BRPF1: variants seen among roughly 807,000 people sequenced by gnomAD.
The protein encoded by BRPF1 is bromodomain and PHD finger containing 1.
A neutral mutation model predicts 115.0 loss-of-function variants in BRPF1; 15 were observed. The ratio of observed to expected loss-of-function variants is 0.13; its 90% CI spans 0.09 to 0.20. The LOEUF (loss-of-function observed/expected upper bound fraction) is 0.20, where lower values mean the gene tolerates loss of function less well. Ranked by LOEUF, BRPF1 falls within the 10% of genes least tolerant of loss-of-function variation. BRPF1 has a pLI of 1.00. For synonymous variants in BRPF1, 647 were observed against 619.8 expected (o/e 1.04, Z -0.65); for missense variants, 1,118 against 1,638.3 (o/e 0.68, Z 5.48).
In BRPF1 at chr3:9,744,425, G is replaced by T. The variant is rs139611443; in HGVS notation, c.2837G>T (p.Arg946Leu). Residue 946 changes from arginine to leucine, a missense_variant, in exon 9 of 14, where the codon CGT becomes CTT. Arg to Leu is a moderately radical substitution (Grantham distance 102). Transcript: ENST00000383829. Reference sequence around the variant, plus strand: ...CAGCTCCCCATCATGAGTTCCCTGCGTCAGCGCAAGCGGGGTAGGAGCCCC... The same window carrying T: ...CAGCTCCCCATCATGAGTTCCCTGCTTCAGCGCAAGCGGGGTAGGAGCCCC... ...PPQLPIMSSL[R>L]QRKRGRSPRP... 1 of 1,611,222 alleles carries T rather than the reference G, an allele frequency of 6.2e-7. No individual in the cohort carries two copies. Among genetic ancestry groups the T allele is most frequent in the East Asian group, 2.2e-5 (1 of 44,780 alleles).
chr3:9,744,527 C>T lies in BRPF1; in HGVS notation c.2920+19C>T. 6.7e-7 allele frequency: 1 copy of T among 1,492,448 alleles called. No individual in the cohort carries two copies. The highest frequency in any genetic ancestry group is 2.4e-5 in the Admixed American group (1 of 41,644). 92.5% of individuals were successfully genotyped at this position (1,492,448 alleles called of 1,614,324 possible). A position where few individuals can be genotyped will look rare whatever the true frequency, so the allele number is the denominator to read the frequency against. Reference sequence around the variant, plus strand: ...CCAATGGGTGAGCCTTACCATCACCCAGCCCCCCAAGAGAGTGAGCAAAGC... The same window carrying T: ...CCAATGGGTGAGCCTTACCATCACCTAGCCCCCCAAGAGAGTGAGCAAAGC... On this transcript the variant is annotated intron_variant, in intron 9 of 13. Coordinates refer to ENST00000383829, the MANE Select transcript of BRPF1 (RefSeq NM_001003694.2).
rs150545921 is a variant in BRPF1, at chr3:9,743,745, C to T, written c.2479C>T (p.Arg827Trp). The T allele has an allele frequency of 3.1e-5, 50 of 1,614,052 alleles. No homozygotes were observed. The highest frequency in any genetic ancestry group is 8.0e-5 in the African/African-American group (6 of 74,942). ...CAAGAAAGAGATGACGGCACTGCGGCGGAAGCTTGCCCATCAGCGAGAGAC... is the reference window on the plus strand; with the variant it reads ...CAAGAAAGAGATGACGGCACTGCGGTGGAAGCTTGCCCATCAGCGAGAGAC... ...MIKKEMTALR[R>W]KLAHQRETGR... Residue 827 changes from arginine to tryptophan, a missense_variant, in exon 8 of 14, where the codon CGG becomes TGG. Arg to Trp is a moderately radical substitution (Grantham distance 101). Transcript: ENST00000383829. The surrounding 1 kb of genome is among the most constrained non-coding windows in gnomAD (Gnocchi z 6.1).
chr3:9,735,201 T>C (rs2125492345), intron 2 of BRPF1, among the ~76,000 whole-genome samples: 1 of 152,002 alleles, frequency 6.6e-6, no homozygotes, highest in East Asian at 1.9e-4. Context: ...TTTGTAGAGA[T>C]GGGGTTTCAC....
At position 9,743,919 on chromosome 3, in the gene BRPF1, A is replaced by G. The variant is rs749684673; in HGVS notation, c.2635+18A>G. Reference sequence around the variant, plus strand: ...AAGCAAAGGTCTGAATCCCATGGCAAGGTGGACCCCAAAGCAAGTCAGACT... The same window carrying G: ...AAGCAAAGGTCTGAATCCCATGGCAGGGTGGACCCCAAAGCAAGTCAGACT... On this transcript the variant is annotated intron_variant, in intron 8 of 13. Coordinates refer to ENST00000383829, the MANE Select transcript of BRPF1 (RefSeq NM_001003694.2). This position sits in a 1 kb window ranked among gnomAD's most constrained non-coding sequence, Gnocchi z 6.1. The G allele has an allele frequency of 5.8e-6, 9 of 1,547,218 alleles. No individual in the cohort carries two copies. Among genetic ancestry groups the G allele is most frequent in the South Asian group, 1.2e-5 (1 of 81,228 alleles).
In BRPF1 at chr3:9,745,379, C is replaced by A. The variant is rs558523103; in HGVS notation, c.3069-194C>A. ...ATGATTAGAGTATGCACTCCTGCCG[C>A]CACTGCTCAGGCTAACCCACCTCTG... On this transcript the variant is annotated intron_variant, in intron 10 of 13. Transcript: ENST00000383829. This position sits in a 1 kb window ranked among gnomAD's most constrained non-coding sequence, Gnocchi z 5.1. Among the ~76,000 whole-genome samples the A allele has an allele frequency of 2.6e-5, 4 of 152,372 alleles. No individual in the cohort carries two copies. Among genetic ancestry groups the A allele is most frequent in the African/African-American group, 9.6e-5 (4 of 41,588 alleles).
In BRPF1 at chr3:9,742,007, G is replaced by C. The variant is rs1165948692; in HGVS notation, c.1855-18G>C. ...GAACTGGCCGAGGCCTGGCTGATCA[G>C]GCCTTTTTCTATGTTAGATCAAGGT... On this transcript the variant is annotated intron_variant, in intron 5 of 13. Coordinates refer to ENST00000383829, the MANE Select transcript of BRPF1 (RefSeq NM_001003694.2). 6.2e-7 allele frequency: 1 copy of C among 1,613,890 alleles called. No individual in the cohort carries two copies. Among genetic ancestry groups the C allele is most frequent in the Admixed American group, 1.7e-5 (1 of 60,006 alleles).
chr3:9,736,011 T>A (rs1293274545), intron 2 of BRPF1, among the ~76,000 whole-genome samples: 1 of 62,208 alleles, frequency 1.6e-5, no homozygotes, highest in African/African-American at 7.3e-5. Flanking sequence ...TCCATTTTTT[T>A]TTTTTTTTTT....
chr3:9,732,434 C>T (rs1055929078), intron 1 of BRPF1: 1 of 152,170 alleles, frequency 6.6e-6, no homozygotes, highest in Non-Finnish European at 1.5e-5. Context: ...CCCTATCCCT[C>T]CGGCCCCCGC....
chr3:9,737,242 C>T (rs763269791), intron 2 of BRPF1, among the ~76,000 whole-genome samples: 11 of 152,112 alleles, frequency 7.2e-5, no homozygotes, highest in East Asian at 1.9e-4. Context: ...ATCTGTATGG[C>T]GAATCAGACA....
chr3:9,744,886 G>T (rs559689428), intron 9 of BRPF1, 122 bp from the exon 10 acceptor site: 3 of 1,367,240 alleles, frequency 2.2e-6, no homozygotes, highest in Non-Finnish European at 1.0e-6. Context: ...GCTGGCCAAG[G>T]TTGGAGGAAT....
At position 9,739,748 on chromosome 3, in the gene BRPF1, C is replaced by T; in HGVS notation, c.1349C>T (p.Pro450Leu). 1.2e-6 allele frequency: 2 copies of T among 1,614,224 alleles called. No homozygotes were observed. Among genetic ancestry groups the T allele is most frequent in the Non-Finnish European group, 1.7e-6 (2 of 1,180,022 alleles). The part of the protein sequence containing the change: ...KTAYCDIHTP[P>L]GSARRLPALS... ...GCCTACTGCGACATCCACACGCCTC[C>T]AGGTTCAGCACGCCGACTGCCTGCC... Residue 450 changes from proline to leucine, a missense_variant, in exon 3 of 14, where the codon CCA (proline) becomes CTA (leucine). Physicochemically the swap from Pro to Leu is moderately conservative, Grantham distance 98. This residue lies in a region of BRPF1 where 87 missense variants were observed against 93.4 expected (regional missense o/e 0.93). Transcript: ENST00000383829.
Position 9,747,816 on chromosome 3 carries a change from T to C in BRPF1, c.*467T>C, listed in dbSNP as rs1340240060. 1 of 153,394 alleles carries C rather than the reference T, an allele frequency of 6.5e-6. No homozygotes were observed. Among genetic ancestry groups the C allele is most frequent in the African/African-American group, 2.4e-5 (1 of 41,320 alleles). 9.5% of individuals were successfully genotyped at this position (153,394 alleles called of 1,614,324 possible). A position where few individuals can be genotyped will look rare whatever the true frequency, so the allele number is the denominator to read the frequency against. ...TGTAAATACTGTAATTATCGGAGAA[T>C]TTAAATTATTCTCATTTGTAACTGC... On this transcript the variant is annotated 3_prime_UTR_variant, in exon 14 of 14. Coordinates refer to ENST00000383829, the MANE Select transcript of BRPF1 (RefSeq NM_001003694.2). This position sits in a 1 kb window ranked among gnomAD's most constrained non-coding sequence, Gnocchi z 5.6.
At position 9,745,765 on chromosome 3, in the gene BRPF1, C is replaced by T. The variant is rs1271697158; in HGVS notation, c.3206-47C>T. On this transcript the variant is annotated intron_variant, in intron 11 of 13. Coordinates refer to ENST00000383829, the MANE Select transcript of BRPF1 (RefSeq NM_001003694.2). This position sits in a 1 kb window ranked among gnomAD's most constrained non-coding sequence, Gnocchi z 5.1. ...TGGGGACCCAGTGTCAGGGTCTCGC[C>T]AGCCCCCCAGCTGCTGATCCACCCC... 1.2e-6 allele frequency: 2 copies of T among 1,610,750 alleles called. No homozygotes were observed. The highest frequency in any genetic ancestry group is 1.7e-6 in the Non-Finnish European group (2 of 1,177,194).
chr3:9,747,152 A>C lies in BRPF1; in HGVS notation c.3480-14A>C. ...CCCTGAGATGATTTATTTGATCTTC[A>C]CCTTATCCTATAGGCAGTGGCTGCC... On this transcript the variant is annotated splice_polypyrimidine_tract_variant and intron_variant, in intron 13 of 13. Transcript: ENST00000383829. The surrounding 1 kb of genome is among the most constrained non-coding windows in gnomAD (Gnocchi z 5.6). 1 of 1,613,728 alleles carries C rather than the reference A, an allele frequency of 6.2e-7. No individual in the cohort carries two copies. Among genetic ancestry groups the C allele is most frequent in the Non-Finnish European group, 8.5e-7 (1 of 1,179,776 alleles).
chr3:9,740,643 C>A, intron 3 of BRPF1, 136 bp from the exon 4 acceptor site: 1 of 1,149,444 alleles, frequency 8.7e-7, no homozygotes, highest in Non-Finnish European at 1.2e-6. Flanking sequence ...TGCCTTAAGT[C>A]CAGAGTCCCA....
At position 9,747,443 on chromosome 3, in the gene BRPF1, C is replaced by A; in HGVS notation, c.*94C>A. On this transcript the variant is annotated 3_prime_UTR_variant, in exon 14 of 14. Coordinates refer to ENST00000383829, the MANE Select transcript of BRPF1 (RefSeq NM_001003694.2). The surrounding 1 kb of genome is among the most constrained non-coding windows in gnomAD (Gnocchi z 5.6). ...AGTGGCACCGGCCTCTGCACTGACT[C>A]ATTTCTGGTCTTGGGGCCAGTCTCA... 1 of 1,471,574 alleles carries A rather than the reference C, an allele frequency of 6.8e-7. No homozygotes were observed. The highest frequency in any genetic ancestry group is 9.3e-7 in the Non-Finnish European group (1 of 1,078,746). The allele number at this position is 1,471,574 out of a possible 1,614,324, so 91.2% of individuals were successfully genotyped here.
At chr3:9,733,045 C>G (rs920546563) in intron 1 of BRPF1, 1 of 152,230 alleles carries the variant, frequency 6.6e-6, no homozygotes, top group African/African-American at 2.4e-5. Context: ...TTGTCGCGTT[C>G]GTGTTTGTAC....
chr3:9,742,816 T>A (rs1210041386), intron 6 of BRPF1, 128 bp from the exon 7 acceptor site: 1 of 1,043,862 alleles, frequency 9.6e-7, no homozygotes, highest in Admixed American at 2.6e-5. Context: ...TCCCCTGTGC[T>A]ATATGCCTGC....
Position 9,734,412 on chromosome 3 carries a change from G to C in BRPF1, c.272G>C (p.Ser91Thr). The C allele has an allele frequency of 6.2e-7, 1 of 1,614,142 alleles. No individual in the cohort carries two copies. Among genetic ancestry groups the C allele is most frequent in the Non-Finnish European group, 8.5e-7 (1 of 1,180,038 alleles). ...CAGTCACCAGGCCGTGAGGTGATGA[G>C]CTATGCACAGGCCCAGCGCATGGTG... ...VSQSPGREVM[S>T]YAQAQRMVEV... The change falls in exon 2 of 14, where the codon AGC (serine) becomes ACC (threonine). Residue 91 changes from serine (S) to threonine (T), a missense_variant. Physicochemically the swap from Ser to Thr is moderately conservative, Grantham distance 58. This residue lies in a region of BRPF1 where 280 missense variants were observed against 382.8 expected (regional missense o/e 0.73). Transcript: ENST00000383829. The surrounding 1 kb of genome is among the most constrained non-coding windows in gnomAD (Gnocchi z 5.7).
Sources: gnomAD v4.1 joint callset for allele counts (sites outside exome capture counted in the v4.1 genomes callset) on GRCh38, gnomAD v4.1.1 for gene constraint, gnomAD v4.1.1 regional missense constraint, Gnocchi (gnomAD v3.1) non-coding constraint, MANE v1.5 for transcripts, NCBI Gene and HGNC (gene_info 2026-07-23, HGNC 2026-07-21) for gene names.